SLC25A21: variants seen among roughly 807,000 people sequenced by gnomAD.
SLC25A21 encodes the protein solute carrier family 25 member 21, also known as mitochondrial 2-oxodicarboxylate carrier.
SLC25A21 carries 47 observed loss-of-function variants against 43.8 expected under a neutral mutation model. The ratio of observed to expected loss-of-function variants is 1.07; its 90% confidence interval spans 0.85 to 1.37. The LOEUF (loss-of-function observed/expected upper bound fraction) is 1.37, where lower values mean the gene tolerates loss of function less well. SLC25A21 is among the 40% of genes most tolerant of loss of function. The probability of loss-of-function intolerance (pLI) is 0.00; values close to 1 mark genes in which losing one functional copy is unlikely to be tolerated. For missense variants in SLC25A21, 352 were observed against 350.2 expected (o/e 1.00, Z -0.04); for synonymous variants, 131 against 121.3 (o/e 1.08, Z -0.52).
At chr14:37,169,580 AACACACACACACACAC>A (rs1321339179) in intron 1 of SLC25A21, among the ~76,000 whole-genome samples, 2 of 145,192 alleles carry the variant, frequency 1.4e-5, no homozygotes. Context: ...AAAAGGTCAT[AACACACACACACACAC>A]ACACACACAC....
At chr14:36,995,412 GA>G (rs1177200389) in intron 1 of SLC25A21, among the ~76,000 whole-genome samples, 6 of 152,060 alleles carry the variant, frequency 3.9e-5, no homozygotes, top group Non-Finnish European at 7.4e-5. Context: ...TTGGCAGAGA[GA>G]ACATGACAAA....
At chr14:37,077,777 T>C (rs1283392996) in intron 1 of SLC25A21, among the ~76,000 whole-genome samples, 1 of 152,048 alleles carries the variant, frequency 6.6e-6, no homozygotes, top group Non-Finnish European at 1.5e-5. Context: ...GGTCAGTAAA[T>C]CCCTATAATA....
At chr14:37,050,464 AG>A (rs1961680146) in intron 1 of SLC25A21, among the ~76,000 whole-genome samples, 2 of 152,226 alleles carry the variant, frequency 1.3e-5, no homozygotes, top group Non-Finnish European at 2.9e-5. Context: ...CAAGAGGCTG[AG>A]TGGGGGCTGA....
At chr14:36,775,476 T>C (rs547301634) in intron 3 of SLC25A21, among the ~76,000 whole-genome samples, 29 of 152,296 alleles carry the variant, frequency 1.9e-4, no homozygotes, top group African/African-American at 6.7e-4. Context: ...ACTGTGGTTA[T>C]AGAAAACAAA....
At chr14:36,993,216 C>G (rs1960302108) in intron 1 of SLC25A21, among the ~76,000 whole-genome samples, 2 of 152,134 alleles carry the variant, frequency 1.3e-5, no homozygotes, top group Non-Finnish European at 2.9e-5. Context: ...GAGTGTGTCC[C>G]TGTCTATGAA....
At chr14:37,122,288 G>A (rs745382702) in intron 1 of SLC25A21, among the ~76,000 whole-genome samples, 31 of 152,170 alleles carry the variant, frequency 2.0e-4, no homozygotes, top group Admixed American at 3.9e-4. Flanking sequence ...TGTGCAAGTG[G>A]ATTTTCATGT....
chr14:37,144,913 C>A (rs1304558607), intron 1 of SLC25A21, among the ~76,000 whole-genome samples: 2 of 146,678 alleles, frequency 1.4e-5, no homozygotes, highest in Admixed American at 7.0e-5. Flanking sequence ...GATTACACGC[C>A]CAGCCTGGGT....
At chr14:36,843,397 AGGT>A (rs1889445389) in intron 2 of SLC25A21, among the ~76,000 whole-genome samples, 1 of 152,220 alleles carries the variant, frequency 6.6e-6, no homozygotes, top group Non-Finnish European at 1.5e-5. Context: ...CTAATCAGGT[AGGT>A]AGCTAGTCAG....
At chr14:36,776,300 G>A (rs1305149088) in intron 3 of SLC25A21, among the ~76,000 whole-genome samples, 11 of 132,896 alleles carry the variant, frequency 8.3e-5, no homozygotes, top group Admixed American at 5.0e-4. Context: ...GCAGTGGCTC[G>A]ATCTCGGCTC....
intron 1 of SLC25A21, among the ~76,000 whole-genome samples, chr14:37,167,819 G>A (rs953479653): frequency 2.0e-5 from 3 of 151,902 alleles, no homozygotes; most frequent in African/African-American, 4.8e-5. Flanking sequence ...AACTGACTCA[G>A]CATAAGACAG....
In SLC25A21 at chr14:37,143,589, C is replaced by CGTGTGTGTGTGTGTGTGT. The variant is rs10531936; in HGVS notation, c.70+28674_70+28691dup. Among the ~76,000 whole-genome samples, 514 of 148,644 alleles carry CGTGTGTGTGTGTGTGTGT rather than the reference C, an allele frequency of 3.5e-3. 1 individual carries two copies. Among genetic ancestry groups the CGTGTGTGTGTGTGTGTGT allele is most frequent in the African/African-American group, 0.011 (427 of 40,462 alleles). On this transcript the variant is annotated intron_variant, in intron 1 of 9. Coordinates refer to ENST00000331299, the MANE Select transcript of SLC25A21 (RefSeq NM_030631.4). The stretch of plus-strand genomic sequence containing the variant: ...GCATTTTAATGTGTCTGTTCATTAG[C>CGTGTGTGTGTGTGTGTGT]GTGTGTGTGTGTGTGTGTGTGTGTG...
chr14:36,678,809 C>T lies in SLC25A21; in HGVS notation c.*1849G>A, dbSNP rs1882038978. On this transcript the variant is annotated 3_prime_UTR_variant, in exon 10 of 10. Transcript: ENST00000331299. ...ATGGTATTGAAGTTTCCTTTTCTCC[C>T]TCTAGGTCTTAACAGTGAATTCACA... 4.0e-6 allele frequency: 4 copies of T among 1,009,592 alleles called. No homozygotes were observed. The South Asian group carries it at 1.9e-4, about 47-fold the overall frequency. The allele number at this position is 1,009,592 out of a possible 1,614,324, so 62.5% of individuals were successfully genotyped here.
At chr14:36,793,956 A>G (rs1258807481) in intron 3 of SLC25A21, among the ~76,000 whole-genome samples, 2 of 151,990 alleles carry the variant, frequency 1.3e-5, no homozygotes, top group African/African-American at 2.4e-5. Context: ...AAGAAGAAGC[A>G]AATCAAAGAA....
chr14:36,798,918 CAG>C (rs56836937), intron 3 of SLC25A21, among the ~76,000 whole-genome samples: 3 of 148,330 alleles, frequency 2.0e-5, no homozygotes, highest in Non-Finnish European at 4.4e-5. Flanking sequence ...GAGAGAGAGA[CAG>C]AGAGAGAGAG....
chr14:36,683,704 T>C, intron 9 of SLC25A21, 124 bp downstream of exon 9: 1 of 621,252 alleles, frequency 1.6e-6, no homozygotes, highest in Non-Finnish European at 2.7e-6. Flanking sequence ...GACAACTTTA[T>C]ATTCTCAAGG....
rs373778764 is a variant in SLC25A21 at position 36,680,730 on chromosome 14, A to G, written c.839-11T>C. On this transcript the variant is annotated splice_polypyrimidine_tract_variant and intron_variant, in intron 9 of 9. Coordinates refer to ENST00000331299, the MANE Select transcript of SLC25A21 (RefSeq NM_030631.4). ...GCATCACTGCACCACCTAGAAAAGA[A>G]AAGAGCTGTTTTTTATTGCAAATCC... The G allele has an allele frequency of 1.2e-6, 2 of 1,609,680 alleles. No individual in the cohort carries two copies. Among genetic ancestry groups the G allele is most frequent in the Non-Finnish European group, 1.7e-6 (2 of 1,178,776 alleles).
chr14:37,006,060 T>A (rs1484233817), intron 1 of SLC25A21, among the ~76,000 whole-genome samples: 1 of 152,126 alleles, frequency 6.6e-6, no homozygotes, highest in Non-Finnish European at 1.5e-5. Flanking sequence ...CAAGGACAAG[T>A]TTAGATGTGA....
chr14:36,759,970 A>G (rs1296888321), intron 3 of SLC25A21, among the ~76,000 whole-genome samples: 1 of 152,164 alleles, frequency 6.6e-6, no homozygotes, highest in African/African-American at 2.4e-5. Context: ...CCATCTAAAA[A>G]AAAAATAGAA....
At chr14:37,085,992 C>T (rs996147633) in intron 1 of SLC25A21, among the ~76,000 whole-genome samples, 10 of 152,100 alleles carry the variant, frequency 6.6e-5, no homozygotes, top group African/African-American at 2.4e-4. Flanking sequence ...GTAGTCCCAG[C>T]TACTCCGGAG....
Sources: allele counts gnomAD v4.1 joint callset (sites outside exome capture counted in the v4.1 genomes callset), GRCh38; gene constraint gnomAD v4.1.1; transcripts MANE v1.5; gene names NCBI Gene and HGNC (gene_info 2026-07-23, HGNC 2026-07-21).